TRAPPC2: variants seen among roughly 807,000 people sequenced by gnomAD.
The protein encoded by TRAPPC2 is sedlin.
A neutral mutation model predicts 10.0 loss-of-function variants in TRAPPC2; 4 were observed. That is an observed-to-expected ratio of 0.40 (90% confidence interval 0.20 to 0.92). TRAPPC2 has a LOEUF of 0.92. Ranked by LOEUF, TRAPPC2 falls within the 40% of genes least tolerant of loss-of-function variation. The pLI, the probability that TRAPPC2 is intolerant of heterozygous loss-of-function variation, is 0.35. For missense variants in TRAPPC2, 52 were observed against 108.7 expected (o/e 0.48, Z 2.32); for synonymous variants, 36 against 37.3 (o/e 0.97, Z 0.12).
chrX:13,725,554 G>A (rs1350191716), intron 2 of TRAPPC2, among the ~76,000 whole-genome samples: 2 of 111,981 alleles, frequency 1.8e-5, no homozygotes, highest in Admixed American at 1.9e-4. Flanking sequence ...GAAAGGAATA[G>A]CATCATCATC....
At chrX:13,724,498 A>G (rs1000624212) in intron 2 of TRAPPC2, among the ~76,000 whole-genome samples, 1 of 111,288 alleles carries the variant, frequency 9.0e-6, no homozygotes, top group African/African-American at 3.3e-5. Flanking sequence ...CACTGAAATA[A>G]TGGTGGATGC....
intron 2 of TRAPPC2, among the ~76,000 whole-genome samples, chrX:13,728,855 T>C (rs2046611564): frequency 8.9e-6 from 1 of 112,036 alleles, no homozygotes; most frequent in African/African-American, 3.2e-5. Context: ...GAAAACCCCA[T>C]GGTCTCAGTC....
chrX:13,719,999 T>C lies in TRAPPC2; in HGVS notation c.-19-17A>G. ...ATATGGCTCCTAATTAAGTGAAAAATAGTACATATTTTTAGTAGTCAATCT... is the reference window on the plus strand; with the variant it reads ...ATATGGCTCCTAATTAAGTGAAAAACAGTACATATTTTTAGTAGTCAATCT... On this transcript the variant is annotated splice_polypyrimidine_tract_variant and intron_variant, in intron 2 of 5. Coordinates refer to ENST00000380579, the MANE Select transcript of TRAPPC2 (RefSeq NM_001011658.4). 1 of 1,014,682 alleles carries C rather than the reference T, an allele frequency of 9.9e-7. No individual in the cohort carries two copies. 83.6% of individuals were successfully genotyped at this position (1,014,682 alleles called of 1,213,427 possible). A position where few individuals can be genotyped will look rare whatever the true frequency, so the allele number is the denominator to read the frequency against.
rs1175025577 is a variant in TRAPPC2 at position 13,717,034 on chromosome X, T to TAA, written c.94-358_94-357dup. 6.9e-3 allele frequency among the ~76,000 whole-genome samples: 263 copies of TAA among 37,940 alleles called. 17 individuals carry two copies. The highest frequency in any genetic ancestry group is 9.6e-3 in the Admixed American group (22 of 2,299). 32.9% of individuals were successfully genotyped at this position (37,940 alleles called of 115,157 possible). Reference sequence around the variant, plus strand: ...AACATGTAAAAAAAGGATACTATGTTAAAAAAAAAAAAAAAAAAAAAAAAA... The same window carrying TAA: ...AACATGTAAAAAAAGGATACTATGTTAAAAAAAAAAAAAAAAAAAAAAAAAAA... On this transcript the variant is annotated intron_variant, in intron 3 of 5. Transcript: ENST00000380579.
At chrX:13,728,902 G>C (rs146583435) in intron 2 of TRAPPC2, among the ~76,000 whole-genome samples, 1,153 of 112,192 alleles carry the variant, frequency 0.01, 14 homozygotes, top group African/African-American at 0.035. Flanking sequence ...CTTCAGCAAA[G>C]TCGCAGGATA....
chrX:13,733,935 A>G (rs929886072), intron 2 of TRAPPC2, 109 bp downstream of exon 2: 3 of 497,788 alleles, frequency 6.0e-6, no homozygotes, highest in Middle Eastern at 3.2e-4. Context: ...TCTACAATGT[A>G]TCTTAGTTCT....
chrX:13,722,208 C>CAGAAAAAAAAAAAAAAAAAAAAAAAAAA (rs1555898001), intron 2 of TRAPPC2: 2 of 36,118 alleles, frequency 5.5e-5, no homozygotes, highest in Middle Eastern at 0.014. Context: ...TAAGCAGCAG[C>CAGAAAAAAAAAAAAAAAAAAAAAAAAAA]AAAAAAAAAA....
intron 1 of TRAPPC2, 39 bp downstream of exon 1, chrX:13,734,485 CA>C: frequency 4.4e-6 from 1 of 226,337 alleles, no homozygotes. Flanking sequence ...TCCAGGGACT[CA>C]AAACACCCGC....
At chrX:13,721,668 AGGCACAGCT>A (rs1038658834) in intron 2 of TRAPPC2, 5 of 111,227 alleles carry the variant, frequency 4.5e-5, no homozygotes, top group African/African-American at 1.6e-4. Flanking sequence ...AAGGAAATCA[AGGCACAGCT>A]GGCACTTTTA....
chrX:13,717,206 C>G (rs1226394782), intron 3 of TRAPPC2, among the ~76,000 whole-genome samples: 1 of 110,885 alleles, frequency 9.0e-6, no homozygotes, highest in African/African-American at 3.3e-5. Context: ...CTGCCAGAGG[C>G]CTCTTTCCAG....
At chrX:13,717,055 AAAAAAAAAAC>A (rs1825599213) in intron 3 of TRAPPC2, among the ~76,000 whole-genome samples, 1 of 106,002 alleles carries the variant, frequency 9.4e-6, no homozygotes, top group African/African-American at 3.4e-5. Context: ...AAAAAAAAAA[AAAAAAAAAAC>A]AAGATCCTGT....
At position 13,713,643 on chromosome X, in the gene TRAPPC2, C is replaced by T. The variant is rs1434805107; in HGVS notation, c.*764G>A. On this transcript the variant is annotated 3_prime_UTR_variant, in exon 6 of 6. Coordinates refer to ENST00000380579, the MANE Select transcript of TRAPPC2 (RefSeq NM_001011658.4). ...CCTGACCAATATGGTGAAACCCTGT[C>T]TCTACTAAAAATACAAAAATTAGCC... 1 of 105,830 alleles carries T rather than the reference C, an allele frequency of 9.4e-6. No individual in the cohort carries two copies. Among genetic ancestry groups the T allele is most frequent in the East Asian group, 3.0e-4 (1 of 3,387 alleles). The allele number at this position is 105,830 out of a possible 1,213,427, so 8.7% of individuals were successfully genotyped here.
Position 13,714,379 on chromosome X carries a change from A to G in TRAPPC2, c.*28T>C. The G allele has an allele frequency of 3.1e-6, 3 of 969,838 alleles. No individual in the cohort carries two copies. The highest frequency in any genetic ancestry group is 4.3e-6 in the Non-Finnish European group (3 of 696,096). 79.9% of individuals were successfully genotyped at this position (969,838 alleles called of 1,213,427 possible). ...TTCCTGAGTATACACCATTGTGGTG[A>G]CATCATTTATTTTGGAATTTTCTGC... On this transcript the variant is annotated 3_prime_UTR_variant, in exon 6 of 6. Transcript: ENST00000380579.
In TRAPPC2 at chrX:13,712,577, A is replaced by G. The variant is rs1386393480; in HGVS notation, c.*1830T>C. ...CTTACAATTTTTTACAAGTACGAGTATCAACAGTTTACTGTCTGAGGGAAA... is the reference window on the plus strand; with the variant it reads ...CTTACAATTTTTTACAAGTACGAGTGTCAACAGTTTACTGTCTGAGGGAAA... On this transcript the variant is annotated 3_prime_UTR_variant, in exon 6 of 6. Coordinates refer to ENST00000380579, the MANE Select transcript of TRAPPC2 (RefSeq NM_001011658.4). 3 of 112,575 alleles carry G rather than the reference A, an allele frequency of 2.7e-5. No individual in the cohort carries two copies. The highest frequency in any genetic ancestry group is 9.7e-5 in the African/African-American group (3 of 30,935). 9.3% of individuals were successfully genotyped at this position (112,575 alleles called of 1,213,427 possible).
rs1312555296 is a variant in TRAPPC2, at chrX:13,714,506, C to G, written c.325-1G>C. On this transcript the variant is annotated splice_acceptor_variant, in intron 5 of 5. Transcript: ENST00000380579. LOFTEE classifies it high-confidence loss of function. ...GTTCATAAAATGGATTCATTGAAAA[C>G]TAGGAAAGAAGAAAGTATTAGTGAA... 2.8e-6 allele frequency: 3 copies of G among 1,076,996 alleles called. No homozygotes were observed. Among genetic ancestry groups the G allele is most frequent in the African/African-American group, 3.7e-5 (2 of 54,503 alleles). 88.8% of individuals were successfully genotyped at this position (1,076,996 alleles called of 1,213,427 possible). A position where few individuals can be genotyped will look rare whatever the true frequency, so the allele number is the denominator to read the frequency against.
intron 2 of TRAPPC2, among the ~76,000 whole-genome samples, chrX:13,723,405 T>G (rs2046469516): frequency 1.8e-5 from 2 of 110,447 alleles, no homozygotes; most frequent in Admixed American, 1.9e-4. Flanking sequence ...TGGCCTCAAG[T>G]GATCTGCCCA....
At chrX:13,730,522 A>C (rs1407482511) in intron 2 of TRAPPC2, among the ~76,000 whole-genome samples, 1 of 111,754 alleles carries the variant, frequency 8.9e-6, no homozygotes, top group Non-Finnish European at 1.9e-5. Context: ...TTCCTCAAGG[A>C]TCTAGAGGTA....
Position 13,732,478 on chromosome X carries a change from G to A in TRAPPC2, c.-20+1566C>T, listed in dbSNP as rs148578112. On this transcript the variant is annotated intron_variant, in intron 2 of 5. Coordinates refer to ENST00000380579, the MANE Select transcript of TRAPPC2 (RefSeq NM_001011658.4). ...GAATTCTAATCAACTGGTAGTGACT[G>A]CCAGGAACTGGCGCTGAGAAAGATT... Among the ~76,000 whole-genome samples, 643 of 113,043 alleles carry A rather than the reference G, an allele frequency of 5.7e-3. 5 individuals are homozygous for A. The highest frequency in any genetic ancestry group is 0.019 in the African/African-American group (604 of 31,134).
At chrX:13,727,149 A>G (rs1008755744) in intron 2 of TRAPPC2, among the ~76,000 whole-genome samples, 1 of 111,788 alleles carries the variant, frequency 8.9e-6, no homozygotes, top group Middle Eastern at 4.6e-3. Context: ...CTCCCACACA[A>G]TAATAATGGG....
Sources: allele counts gnomAD v4.1 joint callset (sites outside exome capture counted in the v4.1 genomes callset), GRCh38; gene constraint gnomAD v4.1.1; transcripts MANE v1.5; gene names NCBI Gene and HGNC (gene_info 2026-07-23, HGNC 2026-07-21).